Variants in PAWR observed in about 807,000 individuals in gnomAD.
The protein encoded by PAWR is PRKC apoptosis WT1 regulator protein.
A neutral mutation model predicts 32.0 loss-of-function variants in PAWR; 23 were observed. That is an observed-to-expected ratio of 0.72 (90% CI 0.52 to 1.02). PAWR has a LOEUF of 1.02. Among genes scored for constraint, PAWR ranks in the 50% least tolerant of loss-of-function variants. The probability of loss-of-function intolerance (pLI) is 0.00; values close to 1 mark genes in which losing one functional copy is unlikely to be tolerated. For synonymous variants in PAWR, 226 were observed against 187.1 expected (o/e 1.21, Z -1.70); for missense variants, 457 against 437.7 (o/e 1.04, Z -0.39).
Position 79,590,010 on chromosome 12 carries a change from G to A in PAWR, c.*2597C>T, listed in dbSNP as rs1873500748. The A allele has an allele frequency of 6.6e-6, 1 of 151,930 alleles. No individual in the cohort carries two copies. Among genetic ancestry groups the A allele is most frequent in the Non-Finnish European group, 1.5e-5 (1 of 67,986 alleles). The allele number at this position is 151,930 out of a possible 1,614,324, so 9.4% of individuals were successfully genotyped here. ...AGCAGATCCTACTTTATTTTTCAAT[G>A]GTTAGTGTAAAATTCTGTATGTAAA... On this transcript the variant is annotated 3_prime_UTR_variant, in exon 7 of 7. Transcript: ENST00000328827.
intron 2 of PAWR, among the ~76,000 whole-genome samples, chr12:79,623,511 A>ACTTC (rs10659804): frequency 1.4e-3 from 216 of 152,146 alleles, no homozygotes; most frequent in African/African-American, 4.7e-3. Context: ...ATTATGAGTT[A>ACTTC]AGATTTTTTT....
At chr12:79,600,395 T>A (rs998584032) in intron 4 of PAWR, among the ~76,000 whole-genome samples, 2 of 151,766 alleles carry the variant, frequency 1.3e-5, no homozygotes, top group Non-Finnish European at 2.9e-5. Flanking sequence ...TTAAAATTAC[T>A]ATATATTTTT....
intron 2 of PAWR, among the ~76,000 whole-genome samples, chr12:79,673,412 G>C (rs1878009829): frequency 6.6e-6 from 1 of 152,182 alleles, no homozygotes; most frequent in Non-Finnish European, 1.5e-5. Flanking sequence ...AATACAAAGA[G>C]AGAAAAGGAA....
rs184259177 is a variant in PAWR, at chr12:79,666,558, G to A, written c.516+23171C>T. On this transcript the variant is annotated intron_variant, in intron 2 of 6. Coordinates refer to ENST00000328827, the MANE Select transcript of PAWR (RefSeq NM_002583.4). ...CATGAGTGTACACAAAGTTTCCAAC[G>A]GTTACATGATATGTAATATTACAAC... 4.0e-4 allele frequency among the ~76,000 whole-genome samples: 61 copies of A among 152,214 alleles called. No individual in the cohort carries two copies. The East Asian group carries it at 0.011, about 27-fold the overall frequency.
chr12:79,674,657 T>G (rs1257271244), intron 2 of PAWR, among the ~76,000 whole-genome samples: 1 of 151,922 alleles, frequency 6.6e-6, no homozygotes, highest in Non-Finnish European at 1.5e-5. Flanking sequence ...AAATTATGCA[T>G]CTGACAAAAG....
intron 4 of PAWR, among the ~76,000 whole-genome samples, chr12:79,600,422 GAGA>G (rs892137689): frequency 6.0e-5 from 9 of 149,974 alleles, no homozygotes; most frequent in Non-Finnish European, 1.3e-4. Context: ...TTTATGGGAC[GAGA>G]AGAAGTGTGA....
At chr12:79,602,124 A>G (rs959904981) in intron 4 of PAWR, among the ~76,000 whole-genome samples, 3 of 152,242 alleles carry the variant, frequency 2.0e-5, no homozygotes, top group Non-Finnish European at 4.4e-5. Flanking sequence ...AAGTGAACAA[A>G]GCATGCTTCC....
rs1299410176 is a variant in PAWR at position 79,588,479 on chromosome 12, A to T, written c.*4128T>A. The T allele has an allele frequency of 6.6e-6, 1 of 151,982 alleles. No individual in the cohort carries two copies. Among genetic ancestry groups the T allele is most frequent in the Non-Finnish European group, 1.5e-5 (1 of 67,848 alleles). 9.4% of individuals were successfully genotyped at this position (151,982 alleles called of 1,614,324 possible). ...CAGTTTTTTCACTCCACCATTCAGT[A>T]AATGTTGTAGCAAATTAAATAGAAC... On this transcript the variant is annotated 3_prime_UTR_variant, in exon 7 of 7. Transcript: ENST00000328827.
At position 79,665,298 on chromosome 12, in the gene PAWR, AAAC is replaced by A. The variant is rs937702628; in HGVS notation, c.516+24428_516+24430del. On this transcript the variant is annotated intron_variant, in intron 2 of 6. Transcript: ENST00000328827. Reference sequence around the variant, plus strand: ...CTAAAACAATTTTCATCAGGTCCAAAAACAACAAGAGATTAAGTCTAACTAGAA... The same window carrying A: ...CTAAAACAATTTTCATCAGGTCCAAAAACAAGAGATTAAGTCTAACTAGAA... 5.3e-5 allele frequency among the ~76,000 whole-genome samples: 8 copies of A among 152,352 alleles called. 1 individual carries two copies. The highest frequency in any genetic ancestry group is 1.4e-4 in the African/African-American group (6 of 41,594).
At chr12:79,672,643 TATC>T (rs773066243) in intron 2 of PAWR, among the ~76,000 whole-genome samples, 1 of 151,984 alleles carries the variant, frequency 6.6e-6, no homozygotes, top group Admixed American at 6.6e-5. Flanking sequence ...CCAAGGTACT[TATC>T]ATCAAGTTTA....
chr12:79,688,655 G>A (rs924512272), intron 2 of PAWR, among the ~76,000 whole-genome samples: 2 of 151,894 alleles, frequency 1.3e-5, no homozygotes, highest in Admixed American at 6.6e-5. Context: ...TGATTTAACA[G>A]GTATGGAAAT....
intron 2 of PAWR, among the ~76,000 whole-genome samples, chr12:79,659,832 T>C (rs1877264785): frequency 6.6e-6 from 1 of 152,170 alleles, no homozygotes; most frequent in African/African-American, 2.4e-5. Flanking sequence ...TCTTCTCATA[T>C]TTAAAGGAAA....
chr12:79,647,921 A>G (rs1029962543), intron 2 of PAWR, among the ~76,000 whole-genome samples: 1 of 152,152 alleles, frequency 6.6e-6, no homozygotes, highest in Non-Finnish European at 1.5e-5. Flanking sequence ...TCAGGATGAA[A>G]CTGTTCTACC....
rs1592506661 is a variant in PAWR at position 79,621,312 on chromosome 12, A to G, written c.517-105T>C. 1.3e-5 allele frequency: 11 copies of G among 836,668 alleles called. No homozygotes were observed. The East Asian group carries it at 3.1e-4, about 23-fold the overall frequency. The allele number at this position is 836,668 out of a possible 1,614,324, so 51.8% of individuals were successfully genotyped here. A position where few individuals can be genotyped will look rare whatever the true frequency, so the allele number is the denominator to read the frequency against. ...ATTAAAGAAATATTTGTGCATTCAG[A>G]AATTAGTTTGCATAATAAAAGTATT... On this transcript the variant is annotated intron_variant, in intron 2 of 6. Transcript: ENST00000328827.
At chr12:79,620,067 A>G (rs1172298726) in intron 3 of PAWR, among the ~76,000 whole-genome samples, 1 of 152,238 alleles carries the variant, frequency 6.6e-6, no homozygotes, top group Admixed American at 6.5e-5. Flanking sequence ...ATAATCTAGC[A>G]ACAAAGCCAC....
intron 2 of PAWR, among the ~76,000 whole-genome samples, chr12:79,683,256 A>G (rs1878528708): frequency 6.6e-6 from 1 of 152,274 alleles, no homozygotes; most frequent in Non-Finnish European, 1.5e-5. Flanking sequence ...TAACCTATAC[A>G]GTAACTACAA....
chr12:79,600,488 G>A (rs143105541), intron 4 of PAWR, among the ~76,000 whole-genome samples: 1 of 151,486 alleles, frequency 6.6e-6, no homozygotes, highest in East Asian at 1.9e-4. Flanking sequence ...GGGGGGGCGG[G>A]GGGAGATAGG....
At chr12:79,663,781 A>C (rs1877464034) in intron 2 of PAWR, among the ~76,000 whole-genome samples, 1 of 151,990 alleles carries the variant, frequency 6.6e-6, no homozygotes, top group Admixed American at 6.6e-5. Context: ...AAAAAAAAAA[A>C]CCCTATTTAT....
rs556893270 is a variant in PAWR, at chr12:79,632,383, G to C, written c.517-11176C>G. Among the ~76,000 whole-genome samples the C allele has an allele frequency of 9.8e-4, 93 of 95,096 alleles. 1 individual carries two copies. Among genetic ancestry groups the C allele is most frequent in the Non-Finnish European group, 1.2e-3 (65 of 55,260 alleles). The allele number at this position is 95,096 out of a possible 152,430, so 62.4% of individuals were successfully genotyped here. ...TATATTTTTTTTTTTTTTTAGACAG[G>C]GTCTTGGCTCTGTTGCCCAGGCTGG... On this transcript the variant is annotated intron_variant, in intron 2 of 6. Transcript: ENST00000328827.
Sources: allele counts gnomAD v4.1 joint callset (sites outside exome capture counted in the v4.1 genomes callset), GRCh38; gene constraint gnomAD v4.1.1; transcripts MANE v1.5; gene names NCBI Gene and HGNC (gene_info 2026-07-23, HGNC 2026-07-21).